Variants in NFIB observed in about 807,000 individuals in gnomAD.
NFIB encodes nuclear factor 1 B-type.
NFIB carries 11 observed loss-of-function variants against 61.5 expected under a neutral mutation model. The ratio of observed to expected loss-of-function variants is 0.18; its 90% CI spans 0.11 to 0.30. The LOEUF (loss-of-function observed/expected upper bound fraction) is 0.30, where lower values mean the gene tolerates loss of function less well. NFIB is among the 10% of genes least tolerant of loss of function. NFIB has a pLI of 1.00. For missense variants in NFIB, 471 were observed against 608.9 expected (o/e 0.77, Z 2.38); for synonymous variants, 260 against 216.5 (o/e 1.20, Z -1.76).
intron 10 of NFIB, among the ~76,000 whole-genome samples, chr9:14,099,677 A>G (rs1000836834): frequency 2.0e-5 from 3 of 152,256 alleles, no homozygotes; most frequent in Non-Finnish European, 4.4e-5. Context: ...CATTTAGCAC[A>G]GCTCACCATA....
rs144232964 is a variant in NFIB, at chr9:14,301,456, A to C, written c.562+5533T>G. Among the ~76,000 whole-genome samples the C allele has an allele frequency of 2.0e-3, 301 of 152,282 alleles. No individual in the cohort carries two copies. The Middle Eastern group carries it at 0.044, about 22-fold the overall frequency. On this transcript the variant is annotated intron_variant, in intron 2 of 10. Coordinates refer to ENST00000380953, the MANE Select transcript of NFIB (RefSeq NM_001190737.2). Reference sequence around the variant, plus strand: ...ATACAGGGTGGGGGGAAGGATGCCTAATGCTGTCAGTAGAATATTTTACCA... The same window carrying C: ...ATACAGGGTGGGGGGAAGGATGCCTCATGCTGTCAGTAGAATATTTTACCA...
At chr9:14,282,898 T>G (rs1198318797) in intron 2 of NFIB, among the ~76,000 whole-genome samples, 1 of 152,218 alleles carries the variant, frequency 6.6e-6, no homozygotes, top group East Asian at 1.9e-4. Context: ...GTCTGAGAAC[T>G]TTACTTTCCA....
intron 2 of NFIB, among the ~76,000 whole-genome samples, chr9:14,303,475 T>A (rs961742756): frequency 6.6e-6 from 1 of 152,358 alleles, no homozygotes; most frequent in East Asian, 1.9e-4. Context: ...ACGTCTTTAA[T>A]ATCTTTGGGA....
intron 2 of NFIB, among the ~76,000 whole-genome samples, chr9:14,243,435 A>G (rs538535578): frequency 3.7e-4 from 57 of 152,154 alleles, no homozygotes; most frequent in African/African-American, 1.4e-3. Flanking sequence ...TGTCTTGACC[A>G]TTTTCTTCTA....
intron 1 of NFIB, among the ~76,000 whole-genome samples, chr9:14,322,675 G>A (rs954467412): frequency 2.0e-5 from 3 of 152,148 alleles, no homozygotes; most frequent in Non-Finnish European, 2.9e-5. Flanking sequence ...GGAGGAGCCG[G>A]GGGCGGGCGC....
the NFIB span, among the ~76,000 whole-genome samples, chr9:14,459,285 A>G: frequency 5.7e-4 from 87 of 152,330 alleles, 1 homozygote; most frequent in Middle Eastern, 0.014. Flanking sequence ...TCTATTTCGT[A>G]AATGGTGCTG....
At chr9:14,237,423 C>T (rs2053846711) in intron 2 of NFIB, among the ~76,000 whole-genome samples, 1 of 152,200 alleles carries the variant, frequency 6.6e-6, no homozygotes, top group Non-Finnish European at 1.5e-5. Flanking sequence ...GGCCAGCACA[C>T]ACAGGGAAAA....
chr9:14,483,767 A>G, the NFIB span, among the ~76,000 whole-genome samples: 30 of 152,362 alleles, frequency 2.0e-4, 1 homozygote, highest in African/African-American at 7.2e-4. Context: ...TTCCTCAACA[A>G]TAATGCACAG....
At chr9:14,220,835 A>G (rs1290944714) in intron 2 of NFIB, among the ~76,000 whole-genome samples, 3 of 123,502 alleles carry the variant, frequency 2.4e-5, no homozygotes, top group East Asian at 4.8e-4. Context: ...AGTGAAATCA[A>G]TCTCCCTACA....
chr9:14,521,168 ATT>A, the NFIB span, among the ~76,000 whole-genome samples: 2 of 152,204 alleles, frequency 1.3e-5, no homozygotes, highest in African/African-American at 2.4e-5. Context: ...ACCCTTTCAA[ATT>A]TCTTGAAAGG....
chr9:14,238,745 GGAGT>G (rs1415079500), intron 2 of NFIB, among the ~76,000 whole-genome samples: 3 of 152,028 alleles, frequency 2.0e-5, no homozygotes, highest in Non-Finnish European at 2.9e-5. Context: ...GGTATCTTTG[GGAGT>G]GAGTGTCTAT....
At chr9:14,457,831 T>A in the NFIB span, among the ~76,000 whole-genome samples, 1 of 152,090 alleles carries the variant, frequency 6.6e-6, no homozygotes, top group African/African-American at 2.4e-5. Context: ...AAGTGGAATC[T>A]CTGAATAGAC....
intron 2 of NFIB, among the ~76,000 whole-genome samples, chr9:14,237,585 G>A (rs916064168): frequency 1.3e-5 from 2 of 152,010 alleles, no homozygotes; most frequent in Non-Finnish European, 1.5e-5. Flanking sequence ...ATGCTTCCAA[G>A]GTATGCAAAA....
At chr9:14,412,363 C>T in the NFIB span, among the ~76,000 whole-genome samples, 1 of 152,148 alleles carries the variant, frequency 6.6e-6, no homozygotes, top group Non-Finnish European at 1.5e-5. Flanking sequence ...GTGCTTGACA[C>T]ACAGTAAGGA....
At chr9:14,467,589 T>C in the NFIB span, among the ~76,000 whole-genome samples, 1 of 152,232 alleles carries the variant, frequency 6.6e-6, no homozygotes. Flanking sequence ...ATATTTATTA[T>C]TTATTTATTC....
intron 1 of NFIB, among the ~76,000 whole-genome samples, chr9:14,360,608 G>A (rs1366207819): frequency 6.0e-5 from 9 of 150,528 alleles, no homozygotes; most frequent in Non-Finnish European, 8.9e-5. Flanking sequence ...GCAGTGGCGC[G>A]ATCTCGGCTC....
At chr9:14,196,875 T>C (rs918869028) in intron 2 of NFIB, among the ~76,000 whole-genome samples, 2 of 152,226 alleles carry the variant, frequency 1.3e-5, no homozygotes, top group African/African-American at 4.8e-5. Context: ...TCAAATCGTA[T>C]GGAATTCCTT....
At chr9:14,498,781 CCCT>C in the NFIB span, among the ~76,000 whole-genome samples, 1 of 112,340 alleles carries the variant, frequency 8.9e-6, no homozygotes, top group African/African-American at 3.1e-5. Context: ...CTCCCTCCCT[CCCT>C]CCCTCCCTCC....
intron 1 of NFIB, among the ~76,000 whole-genome samples, chr9:14,370,969 C>T (rs190416456): frequency 6.6e-6 from 1 of 152,254 alleles, no homozygotes; most frequent in East Asian, 1.9e-4. Context: ...ATGGTGGGCA[C>T]CTGTAATCCC....
Sources: gnomAD v4.1 joint callset for allele counts (sites outside exome capture counted in the v4.1 genomes callset) on GRCh38, gnomAD v4.1.1 for gene constraint, MANE v1.5 for transcripts, NCBI Gene and HGNC (gene_info 2026-07-23, HGNC 2026-07-21) for gene names.